The following HIGD2A variants were observed in gnomAD, a reference collection of about 807,000 sequenced individuals.
HIGD2A encodes HIG1 domain family member 2A, mitochondrial.
Under a neutral mutation model 6.3 loss-of-function variants are expected in HIGD2A, and 4 were observed. The observed-to-expected ratio is 0.64, with a 90% CI of 0.31 to 1.46. The LOEUF (loss-of-function observed/expected upper bound fraction) is 1.46. Among genes scored for constraint, HIGD2A ranks in the 40% most tolerant of loss-of-function variants. HIGD2A has a pLI of 0.07. For synonymous variants in HIGD2A, 63 were observed against 59.3 expected, an observed-to-expected ratio of 1.06 and a Z score of -0.29; for missense variants, 143 against 144.8, an observed-to-expected ratio of 0.99 and a Z score of 0.06.
rs758087955 is a variant in HIGD2A at position 176,388,855 on chromosome 5, CT to C, written c.39del (p.Phe13LeufsTer12). The C allele has an allele frequency of 6.2e-7, 1 of 1,614,208 alleles. No individual in the cohort carries two copies. Among genetic ancestry groups the C allele is most frequent in the Non-Finnish European group, 8.5e-7 (1 of 1,180,042 alleles). ...TPGPVIPEVP[F>X]EPSKPPVIEG... is the part of the protein sequence containing the mutation. ...CCGGCCCTGTGATTCCGGAGGTCCC[CT>C]TTGAACCATCGAAGCCTCCAGTCAT... On this transcript the variant is annotated frameshift_variant, in exon 1 of 2. Coordinates refer to ENST00000274787, the MANE Select transcript of HIGD2A (RefSeq NM_138820.4). LOFTEE classifies it high-confidence loss of function.
At chr5:176,389,064 G>A in intron 1 of HIGD2A, 91 bp downstream of exon 1, 1 of 1,507,110 alleles carries the variant, frequency 6.6e-7, no homozygotes, top group Non-Finnish European at 9.1e-7. Flanking sequence ...GCGGGGAGCG[G>A]AAGGAGAGCG....
intron 1 of HIGD2A, 60 bp downstream of exon 1, chr5:176,389,033 T>C: frequency 6.3e-7 from 1 of 1,588,808 alleles, no homozygotes. Context: ...GGGAAGGAAG[T>C]AGAGAAGGAC....
intron 1 of HIGD2A, 131 bp from the exon 2 acceptor site, chr5:176,389,200 C>G (rs546685171): frequency 8.4e-7 from 1 of 1,189,962 alleles, no homozygotes; most frequent in African/African-American, 1.5e-5. Context: ...AAGACCTCGA[C>G]TCGACCTACC....
Position 176,389,179 on chromosome 5 carries a change from CTG to C in HIGD2A, c.155-150_155-149del, listed in dbSNP as rs546070438. ...TTTGGGGCCTAAGATTGGGAGGACTCTGTAACTAGGAAGACCTCGACTCGACC... is the reference window on the plus strand; with the variant it reads ...TTTGGGGCCTAAGATTGGGAGGACTCTAACTAGGAAGACCTCGACTCGACC... On this transcript the variant is annotated intron_variant, in intron 1 of 1. Transcript: ENST00000274787. 2.5e-3 allele frequency: 2,736 copies of C among 1,081,830 alleles called. 8 individuals are homozygous for C. The highest frequency in any genetic ancestry group is 3.2e-3 in the Non-Finnish European group (2,391 of 745,150). 67.0% of individuals were successfully genotyped at this position (1,081,830 alleles called of 1,614,324 possible). A position where few individuals can be genotyped will look rare whatever the true frequency, so the allele number is the denominator to read the frequency against.
Position 176,388,800 on chromosome 5 carries a change from C to T in HIGD2A, c.-20C>T, listed in dbSNP as rs144769380. 2.2e-5 allele frequency: 36 copies of T among 1,607,306 alleles called. No individual in the cohort carries two copies. The African/African-American group carries it at 3.9e-4, about 17-fold the overall frequency. ...GCTGAGGTCGGAGTCCCGATTTTCT[C>T]CTGCTGCTGTGGCCCGGACATGGCG... On this transcript the variant is annotated 5_prime_UTR_variant, in exon 1 of 2. Coordinates refer to ENST00000274787, the MANE Select transcript of HIGD2A (RefSeq NM_138820.4).
rs1216167086 is a variant in HIGD2A at position 176,389,590 on chromosome 5, C to T, written c.*93C>T. 1.1e-5 allele frequency: 15 copies of T among 1,316,584 alleles called. No individual in the cohort carries two copies. The highest frequency in any genetic ancestry group is 1.5e-5 in the African/African-American group (1 of 67,586). The allele number at this position is 1,316,584 out of a possible 1,614,324, so 81.6% of individuals were successfully genotyped here. The stretch of plus-strand genomic sequence containing the variant: ...ACCGTGGGACTTACTCCCTCCTCTC[C>T]TTTGAGAGGCCCATGTGTCGCTGGG... On this transcript the variant is annotated 3_prime_UTR_variant, in exon 2 of 2. Transcript: ENST00000274787.
At position 176,389,425 on chromosome 5, in the gene HIGD2A, C is replaced by A; in HGVS notation, c.249C>A (p.Ile83=). Residue 83 remains isoleucine (I), a synonymous_variant, in exon 2 of 2, where the codon ATC becomes ATA. Transcript: ENST00000274787. ...QRSQLMMRTR[I]AAQGFTVAAI... ...CTCAGCTCATGATGCGCACCCGGAT[C>A]GCCGCCCAGGGTTTCACGGTCGCAG... 6.2e-7 allele frequency: 1 copy of A among 1,614,188 alleles called. No individual in the cohort carries two copies. Among genetic ancestry groups the A allele is most frequent in the Non-Finnish European group, 8.5e-7 (1 of 1,180,030 alleles).
chr5:176,388,838 G>C lies in HIGD2A; in HGVS notation c.19G>C (p.Val7Leu). The C allele has an allele frequency of 1.9e-6, 3 of 1,614,076 alleles. No homozygotes were observed. Among genetic ancestry groups the C allele is most frequent in the Non-Finnish European group, 2.5e-6 (3 of 1,179,978 alleles). The change falls in exon 1 of 2, where the codon GTG becomes CTG. Residue 7 changes from valine (V) to leucine (L), a missense_variant. Val to Leu is a conservative substitution (Grantham distance 32). Transcript: ENST00000274787. ...CCCGGACATGGCGACTCCCGGCCCT[G>C]TGATTCCGGAGGTCCCCTTTGAACC... MATPGP[V>L]IPEVPFEPSK... is the part of the protein sequence containing the mutation.
At chr5:176,389,196 T>C (rs1199376753) in intron 1 of HIGD2A, 135 bp from the exon 2 acceptor site, 8 of 1,167,988 alleles carry the variant, frequency 6.8e-6, no homozygotes, top group Non-Finnish European at 7.3e-6. Flanking sequence ...TAGGAAGACC[T>C]CGACTCGACC....
At position 176,388,809 on chromosome 5, in the gene HIGD2A, G is replaced by A; in HGVS notation, c.-11G>A. 1.2e-6 allele frequency: 2 copies of A among 1,611,604 alleles called. No individual in the cohort carries two copies. ...GGAGTCCCGATTTTCTCCTGCTGCT[G>A]TGGCCCGGACATGGCGACTCCCGGC... is the stretch of plus-strand genomic sequence containing the variant. On this transcript the variant is annotated 5_prime_UTR_variant, in exon 1 of 2. In the 5' UTR this introduces an upstream ATG that the reference lacks. Coordinates refer to ENST00000274787, the MANE Select transcript of HIGD2A (RefSeq NM_138820.4).
chr5:176,389,435 G>T lies in HIGD2A; in HGVS notation c.259G>T (p.Gly87Cys). Residue 87 changes from glycine to cysteine, a missense_variant, in exon 2 of 2, where the codon GGT (glycine) becomes TGT (cysteine). Physicochemically the swap from Gly to Cys is radical, Grantham distance 159. Coordinates refer to ENST00000274787, the MANE Select transcript of HIGD2A (RefSeq NM_138820.4). ...LMMRTRIAAQ[G>C]FTVAAILLGL... is the part of the protein sequence containing the mutation. ...GATGCGCACCCGGATCGCCGCCCAGGGTTTCACGGTCGCAGCCATCTTGCT... is the reference window on the plus strand; with the variant it reads ...GATGCGCACCCGGATCGCCGCCCAGTGTTTCACGGTCGCAGCCATCTTGCT... The T allele has an allele frequency of 2.5e-6, 4 of 1,614,200 alleles. No homozygotes were observed. Among genetic ancestry groups the T allele is most frequent in the Non-Finnish European group, 3.4e-6 (4 of 1,180,038 alleles).
chr5:176,389,392 C>T lies in HIGD2A; in HGVS notation c.216C>T (p.Ser72=), dbSNP rs1419633356. ...YGLYSFHRGN[S]QRSQLMMRTR... is the part of the protein sequence containing the mutation. ...TCTACTCCTTCCACCGGGGCAACAGCCAGCGCTCTCAGCTCATGATGCGCA... is the reference window on the plus strand; with the variant it reads ...TCTACTCCTTCCACCGGGGCAACAGTCAGCGCTCTCAGCTCATGATGCGCA... The change falls in exon 2 of 2, where the codon AGC becomes AGT. Residue 72 remains serine (S), a synonymous_variant. Coordinates refer to ENST00000274787, the MANE Select transcript of HIGD2A (RefSeq NM_138820.4). The T allele has an allele frequency of 2.5e-6, 4 of 1,614,064 alleles. No homozygotes were observed. Among genetic ancestry groups the T allele is most frequent in the Non-Finnish European group, 3.4e-6 (4 of 1,180,038 alleles).
intron 1 of HIGD2A, among the ~76,000 whole-genome samples, 166 bp downstream of exon 1, chr5:176,389,139 G>A (rs1461684921): frequency 5.3e-5 from 8 of 151,834 alleles, no homozygotes; most frequent in Non-Finnish European, 2.9e-5. Flanking sequence ...GGAGCAGCGG[G>A]TTTAGGGGGC....
Position 176,389,319 on chromosome 5 carries a change from T to G in HIGD2A, c.155-12T>G, listed in dbSNP as rs1206304930. The G allele has an allele frequency of 6.2e-7, 1 of 1,610,022 alleles. No homozygotes were observed. Among genetic ancestry groups the G allele is most frequent in the Non-Finnish European group, 8.5e-7 (1 of 1,178,116 alleles). Reference sequence around the variant, plus strand: ...GACCTGCTGTTTCCCAGTTGCTTTGTCCCCTCCTCAGGTTGCCTGGCCACG... The same window carrying G: ...GACCTGCTGTTTCCCAGTTGCTTTGGCCCCTCCTCAGGTTGCCTGGCCACG... On this transcript the variant is annotated splice_polypyrimidine_tract_variant and intron_variant, in intron 1 of 1. Coordinates refer to ENST00000274787, the MANE Select transcript of HIGD2A (RefSeq NM_138820.4).
rs3172920 is a variant in HIGD2A, at chr5:176,388,786, A to C, written c.-34A>C. The C allele has an allele frequency of 0.087, 139,684 of 1,602,308 alleles. 6,782 individuals carry two copies. The highest frequency in any genetic ancestry group is 0.14 in the African/African-American group (10,075 of 74,248). ...ACCTTCACCGGGAGGCTGAGGTCGG[A>C]GTCCCGATTTTCTCCTGCTGCTGTG... On this transcript the variant is annotated 5_prime_UTR_variant, in exon 1 of 2. Coordinates refer to ENST00000274787, the MANE Select transcript of HIGD2A (RefSeq NM_138820.4).
rs1561787143 is a variant in HIGD2A, at chr5:176,389,391, G to A, written c.215G>A (p.Ser72Asn). The change falls in exon 2 of 2, where the codon AGC (serine) becomes AAC (asparagine). Residue 72 changes from serine to asparagine, a missense_variant. Ser to Asn is a conservative substitution (Grantham distance 46, BLOSUM62 1). Coordinates refer to ENST00000274787, the MANE Select transcript of HIGD2A (RefSeq NM_138820.4). ...CTCTACTCCTTCCACCGGGGCAACA[G>A]CCAGCGCTCTCAGCTCATGATGCGC... is the stretch of plus-strand genomic sequence containing the variant. ...YGLYSFHRGN[S>N]QRSQLMMRTR... 2 of 1,614,148 alleles carry A rather than the reference G, an allele frequency of 1.2e-6. No homozygotes were observed. The highest frequency in any genetic ancestry group is 1.7e-6 in the Non-Finnish European group (2 of 1,180,022).
intron 1 of HIGD2A, 143 bp from the exon 2 acceptor site, chr5:176,389,188 G>T: frequency 9.0e-7 from 1 of 1,111,214 alleles, no homozygotes. Flanking sequence ...TCTGTAACTA[G>T]GAAGACCTCG....
chr5:176,389,206 C>A, intron 1 of HIGD2A, 125 bp from the exon 2 acceptor site: 3 of 1,237,058 alleles, frequency 2.4e-6, no homozygotes, highest in Non-Finnish European at 3.4e-6. Context: ...TCGACTCGAC[C>A]TACCCTCGCC....
chr5:176,389,193 A>T, intron 1 of HIGD2A, 138 bp from the exon 2 acceptor site: 3 of 1,126,108 alleles, frequency 2.7e-6, no homozygotes, highest in African/African-American at 1.6e-5. Context: ...AACTAGGAAG[A>T]CCTCGACTCG....
Sources: gnomAD v4.1 joint callset for allele counts (sites outside exome capture counted in the v4.1 genomes callset) on GRCh38, gnomAD v4.1.1 for gene constraint, MANE v1.5 for transcripts, NCBI Gene and HGNC (gene_info 2026-07-23, HGNC 2026-07-21) for gene names.